Variants in IGF1R observed in about 807,000 individuals in gnomAD.
IGF1R encodes insulin-like growth factor 1 receptor.
In IGF1R, 44 loss-of-function variants were observed where a neutral mutation model predicts 144.6. The ratio of observed to expected loss-of-function variants is 0.30; its 90% CI spans 0.24 to 0.39. The LOEUF (loss-of-function observed/expected upper bound fraction) is 0.39. Among genes scored for constraint, IGF1R ranks in the 10% least tolerant of loss-of-function variants. The pLI is 1.00. For missense variants in IGF1R, 1,355 were observed against 1,833.7 expected (o/e 0.74, Z 4.77); for synonymous variants, 795 against 722.8 (o/e 1.10, Z -1.60).
chr15:98,895,382 T>G (rs1365322867), intron 3 of IGF1R, among the ~76,000 whole-genome samples: 2 of 151,860 alleles, frequency 1.3e-5, no homozygotes, highest in Non-Finnish European at 2.9e-5. Context: ...TCTTTGCAGC[T>G]TTTTGTGACT....
chr15:98,748,832 A>G (rs1486957877), intron 2 of IGF1R, among the ~76,000 whole-genome samples: 1 of 152,202 alleles, frequency 6.6e-6, no homozygotes, highest in Non-Finnish European at 1.5e-5. Context: ...TTCTTGCTCT[A>G]CCCTTAGGAC....
intron 3 of IGF1R, among the ~76,000 whole-genome samples, chr15:98,894,042 A>G (rs1225586153): frequency 2.0e-5 from 3 of 152,084 alleles, no homozygotes; most frequent in Non-Finnish European, 4.4e-5. Context: ...TGACTCCTAG[A>G]CTTTTTACCA....
rs770196756 is a variant in IGF1R at position 98,916,861 on chromosome 15, C to G, written c.2186C>G (p.Ser729Cys). Reference protein sequence around the residue: ...RKVFENFLHNSIFVPRPERKR... With the variant: ...RKVFENFLHNCIFVPRPERKR... ...GTCTTTGAGAATTTCCTGCACAACT[C>G]CATCTTCGTGCCCAGGTACCCAGCT... The change falls in exon 10 of 21, where the codon TCC becomes TGC. Residue 729 changes from serine (S) to cysteine (C), a missense_variant. Coordinates refer to ENST00000650285, the MANE Select transcript of IGF1R (RefSeq NM_000875.5). The G allele has an allele frequency of 6.2e-7, 1 of 1,614,070 alleles. No individual in the cohort carries two copies. The highest frequency in any genetic ancestry group is 8.5e-7 in the Non-Finnish European group (1 of 1,179,956).
At chr15:98,898,515 A>G (rs1023401355) in intron 4 of IGF1R, among the ~76,000 whole-genome samples, 4 of 152,214 alleles carry the variant, frequency 2.6e-5, no homozygotes, top group Non-Finnish European at 5.9e-5. Context: ...CATCAACTGC[A>G]CGCAACCTCT....
intron 1 of IGF1R, chr15:98,650,921 A>G (rs2052347039): frequency 1.0e-6 from 1 of 984,634 alleles, no homozygotes. Context: ...GGGGAGCGAG[A>G]ACTCCCCCCG....
At position 98,652,525 on chromosome 15, in the gene IGF1R, T is replaced by C. The variant is rs567791758; in HGVS notation, c.94+2850T>C. On this transcript the variant is annotated intron_variant, in intron 1 of 20. Transcript: ENST00000650285. ...GTTTTGTGGAAGGGTGGGGTTTGTG[T>C]CAGGATTTGAAATGTAAAAGGTCAT... Among the ~76,000 whole-genome samples, 6 of 152,324 alleles carry C rather than the reference T, an allele frequency of 3.9e-5. No individual in the cohort carries two copies. In the South Asian group the frequency reaches 1.2e-3, roughly 32 times the overall value.
At chr15:98,938,119 C>T (rs1020693334) in intron 17 of IGF1R, among the ~76,000 whole-genome samples, 3 of 152,352 alleles carry the variant, frequency 2.0e-5, no homozygotes, top group Admixed American at 2.0e-4. Flanking sequence ...AGGGCAGCAG[C>T]CAGCATCCAC....
At chr15:98,718,510 G>GCTGAGGGCAGCCAGTGTGA (rs1202090347) in intron 2 of IGF1R, among the ~76,000 whole-genome samples, 54 of 152,326 alleles carry the variant, frequency 3.5e-4, no homozygotes, top group Non-Finnish European at 6.8e-4. Context: ...AGAAGGTGGG[G>GCTGAGGGCAGCCAGTGTGA]CTGAGGGCAG....
rs2017292012 is a variant in IGF1R, at chr15:98,963,166, A to ATTAT, written c.*5724_*5725insTTAT. On this transcript the variant is annotated 3_prime_UTR_variant, in exon 21 of 21. Coordinates refer to ENST00000650285, the MANE Select transcript of IGF1R (RefSeq NM_000875.5). ...GTTTATAATTGCCGAAAATAATTTAAAGACACTTTTTTTTTCTCTGTGTGT... is the reference window on the plus strand; with the variant it reads ...GTTTATAATTGCCGAAAATAATTTAATTATAGACACTTTTTTTTTCTCTGTGTGT... 2 of 232,362 alleles carry ATTAT rather than the reference A, an allele frequency of 8.6e-6. No homozygotes were observed. The highest frequency in any genetic ancestry group is 1.7e-5 in the Non-Finnish European group (2 of 117,972). 14.4% of individuals were successfully genotyped at this position (232,362 alleles called of 1,614,324 possible).
intron 2 of IGF1R, among the ~76,000 whole-genome samples, chr15:98,808,246 C>T (rs905536489): frequency 2.0e-5 from 3 of 152,060 alleles, no homozygotes; most frequent in Non-Finnish European, 2.9e-5. Flanking sequence ...TGTTAGCCAC[C>T]GAAGTAAATA....
In IGF1R at chr15:98,960,009, A is replaced by T. The variant is rs1342295290; in HGVS notation, c.*2567A>T. The stretch of plus-strand genomic sequence containing the variant: ...TATGTGTGGGGTGTGTGTGTGTGAG[A>T]GTGATGGGACAGTTCTTGATTTTTT... On this transcript the variant is annotated 3_prime_UTR_variant, in exon 21 of 21. Coordinates refer to ENST00000650285, the MANE Select transcript of IGF1R (RefSeq NM_000875.5). 2.6e-5 allele frequency: 6 copies of T among 233,156 alleles called. No homozygotes were observed. Among genetic ancestry groups the T allele is most frequent in the African/African-American group, 1.1e-4 (5 of 45,252 alleles). 14.4% of individuals were successfully genotyped at this position (233,156 alleles called of 1,614,324 possible). A position where few individuals can be genotyped will look rare whatever the true frequency, so the allele number is the denominator to read the frequency against.
chr15:98,906,372 T>A (rs935378002), intron 5 of IGF1R, among the ~76,000 whole-genome samples: 2 of 152,228 alleles, frequency 1.3e-5, no homozygotes, highest in Non-Finnish European at 2.9e-5. Flanking sequence ...GGAGATTTTG[T>A]CCTGTAACTA....
At chr15:98,770,284 A>G (rs533762015) in intron 2 of IGF1R, among the ~76,000 whole-genome samples, 1 of 152,328 alleles carries the variant, frequency 6.6e-6, no homozygotes, top group Middle Eastern at 3.4e-3. Flanking sequence ...GTGGGAGCAA[A>G]AAAAGTTGAT....
chr15:98,755,781 A>G (rs1252871274), intron 2 of IGF1R, among the ~76,000 whole-genome samples: 1 of 28,222 alleles, frequency 3.5e-5, no homozygotes, highest in Non-Finnish European at 3.1e-4. Flanking sequence ...CCTGATTTAA[A>G]TAAAAAAATG....
chr15:98,867,239 C>T (rs915636208), intron 2 of IGF1R, among the ~76,000 whole-genome samples: 2 of 151,898 alleles, frequency 1.3e-5, no homozygotes, highest in African/African-American at 4.8e-5. Flanking sequence ...ATCAACTTTG[C>T]GCAGCAACAA....
intron 1 of IGF1R, among the ~76,000 whole-genome samples, chr15:98,699,478 G>A (rs151218136): frequency 1.6e-4 from 24 of 152,334 alleles, no homozygotes; most frequent in Non-Finnish European, 3.2e-4. Flanking sequence ...ATTTTAAGAT[G>A]AGAAAGGCAT....
intron 2 of IGF1R, among the ~76,000 whole-genome samples, chr15:98,783,553 TC>T (rs1380884157): frequency 6.6e-6 from 1 of 152,222 alleles, no homozygotes; most frequent in Non-Finnish European, 1.5e-5. Flanking sequence ...GCATGGCATG[TC>T]CCTCCATTTA....
intron 2 of IGF1R, among the ~76,000 whole-genome samples, chr15:98,793,119 A>G (rs926860986): frequency 3.7e-4 from 57 of 152,138 alleles, no homozygotes; most frequent in Admixed American, 7.2e-4. Flanking sequence ...AGTTGCTCCA[A>G]ATTCTCTTGC....
In IGF1R at chr15:98,916,229, G is replaced by A. The variant is rs920962339; in HGVS notation, c.1996+98G>A. ...AATATTACACGTATCAGACAACAGT[G>A]TAGTTCTCCATTGGAAACCAGCTAT... On this transcript the variant is annotated intron_variant, in intron 9 of 20. Coordinates refer to ENST00000650285, the MANE Select transcript of IGF1R (RefSeq NM_000875.5). 21 of 1,021,964 alleles carry A rather than the reference G, an allele frequency of 2.1e-5. No individual in the cohort carries two copies. The African/African-American group carries it at 3.4e-4, about 17-fold the overall frequency. The allele number at this position is 1,021,964 out of a possible 1,614,324, so 63.3% of individuals were successfully genotyped here.
Sources: gnomAD v4.1 joint callset for allele counts (sites outside exome capture counted in the v4.1 genomes callset) on GRCh38, gnomAD v4.1.1 for gene constraint, MANE v1.5 for transcripts, NCBI Gene and HGNC (gene_info 2026-07-23, HGNC 2026-07-21) for gene names.